The following ERC2 variants were observed in gnomAD, a reference collection of about 807,000 sequenced individuals.
The protein encoded by ERC2 is ERC protein 2.
Under a neutral mutation model 114.8 loss-of-function variants are expected in ERC2, and 42 were observed. That is an observed-to-expected ratio of 0.37 (90% CI 0.29 to 0.47). The LOEUF (loss-of-function observed/expected upper bound fraction) is 0.47, where lower values mean the gene tolerates loss of function less well. Ranked by LOEUF, ERC2 falls within the 20% of genes least tolerant of loss-of-function variation. The pLI is 0.99. For synonymous variants in ERC2, 454 were observed against 425.5 expected, an observed-to-expected ratio of 1.07 and a Z score of -0.82; for missense variants, 939 against 1,150.7, an observed-to-expected ratio of 0.82 and a Z score of 2.66.
intron 14 of ERC2, among the ~76,000 whole-genome samples, chr3:55,790,942 G>A (rs2069957298): frequency 6.6e-6 from 1 of 152,218 alleles, no homozygotes; most frequent in Non-Finnish European, 1.5e-5. Flanking sequence ...TCAAAAGGTG[G>A]AATCCTCCAT....
chr3:55,836,182 G>C (rs998047744), intron 14 of ERC2, among the ~76,000 whole-genome samples: 1 of 152,046 alleles, frequency 6.6e-6, no homozygotes, highest in African/African-American at 2.4e-5. Context: ...TACTGCCCAA[G>C]GTAATTTATA....
At chr3:56,398,185 T>C (rs1048293930) in intron 2 of ERC2, among the ~76,000 whole-genome samples, 3 of 152,248 alleles carry the variant, frequency 2.0e-5, no homozygotes, top group African/African-American at 7.2e-5. Flanking sequence ...CTGTGAAATT[T>C]AATCAAAGCA....
intron 3 of ERC2, among the ~76,000 whole-genome samples, chr3:56,232,955 G>A (rs1003756790): frequency 6.6e-6 from 1 of 152,034 alleles, no homozygotes; most frequent in African/African-American, 2.4e-5. Context: ...TCACTTCCTC[G>A]AAAAAACCCT....
intron 17 of ERC2, among the ~76,000 whole-genome samples, chr3:55,512,576 T>C (rs2052163407): frequency 6.6e-6 from 1 of 152,230 alleles, no homozygotes; most frequent in Non-Finnish European, 1.5e-5. Flanking sequence ...AGAGAAACCC[T>C]AAGTAGTATT....
chr3:56,316,417 C>T (rs1158555486), intron 2 of ERC2, among the ~76,000 whole-genome samples: 1 of 152,162 alleles, frequency 6.6e-6, no homozygotes, highest in Non-Finnish European at 1.5e-5. Flanking sequence ...ACAGAAAATG[C>T]TGTTATTATG....
At chr3:55,961,292 A>G (rs1208290414) in intron 12 of ERC2, among the ~76,000 whole-genome samples, 1 of 152,142 alleles carries the variant, frequency 6.6e-6, no homozygotes, top group Non-Finnish European at 1.5e-5. Context: ...TTCCTCTTCT[A>G]GAAACTGTTT....
chr3:55,533,896 C>A (rs1422357501), intron 17 of ERC2, among the ~76,000 whole-genome samples: 2 of 152,136 alleles, frequency 1.3e-5, no homozygotes, highest in Non-Finnish European at 2.9e-5. Flanking sequence ...GACAGTGAAG[C>A]CCAGCGAGGG....
chr3:56,273,258 C>CTTTT (rs1206517864), intron 3 of ERC2, among the ~76,000 whole-genome samples: 1 of 94,748 alleles, frequency 1.1e-5, no homozygotes. Context: ...CTTTTTTTTT[C>CTTTT]TTTCTTTTTT....
intron 14 of ERC2, among the ~76,000 whole-genome samples, chr3:55,863,585 A>T (rs951363717): frequency 7.9e-5 from 12 of 152,126 alleles, no homozygotes; most frequent in Non-Finnish European, 1.8e-4. Context: ...GCCACTTTGA[A>T]TGGTTTTGCT....
intron 17 of ERC2, among the ~76,000 whole-genome samples, chr3:55,546,166 A>G (rs2054735415): frequency 6.6e-6 from 1 of 152,174 alleles, no homozygotes; most frequent in Non-Finnish European, 1.5e-5. Context: ...TAACGGCGAC[A>G]GCAGCTACCC....
intron 17 of ERC2, among the ~76,000 whole-genome samples, chr3:55,663,455 G>A (rs2061225773): frequency 6.6e-6 from 1 of 152,192 alleles, no homozygotes; most frequent in African/African-American, 2.4e-5. Flanking sequence ...CACTCTGGTT[G>A]CCCAGTATCC....
intron 2 of ERC2, among the ~76,000 whole-genome samples, chr3:56,345,620 G>A (rs1010889627): frequency 6.6e-6 from 1 of 152,220 alleles, no homozygotes; most frequent in African/African-American, 2.4e-5. Flanking sequence ...GCTGGGGAGT[G>A]AAAGACAACA....
At chr3:55,681,125 G>T (rs2062035806) in intron 17 of ERC2, among the ~76,000 whole-genome samples, 1 of 152,130 alleles carries the variant, frequency 6.6e-6, no homozygotes, top group Non-Finnish European at 1.5e-5. Flanking sequence ...ACTTTCCCCG[G>T]TCCACCGTGT....
At chr3:55,873,661 T>C (rs1341596293) in intron 14 of ERC2, among the ~76,000 whole-genome samples, 1 of 152,222 alleles carries the variant, frequency 6.6e-6, no homozygotes, top group African/African-American at 2.4e-5. Flanking sequence ...TTGATCTCTA[T>C]GCTCCAGTCA....
intron 8 of ERC2, among the ~76,000 whole-genome samples, chr3:56,017,665 C>T (rs2073399378): frequency 6.6e-6 from 1 of 152,102 alleles, no homozygotes; most frequent in Non-Finnish European, 1.5e-5. Context: ...CCTACCTGGC[C>T]ATTCTACTCC....
intron 2 of ERC2, among the ~76,000 whole-genome samples, chr3:56,366,823 G>A (rs1389002370): frequency 6.6e-6 from 1 of 152,142 alleles, no homozygotes; most frequent in African/African-American, 2.4e-5. Flanking sequence ...CATCCACTTG[G>A]ACAAACGTTT....
chr3:56,300,215 G>A (rs1169132355), intron 2 of ERC2, among the ~76,000 whole-genome samples: 1 of 146,734 alleles, frequency 6.8e-6, no homozygotes, highest in Non-Finnish European at 1.5e-5. Flanking sequence ...AGAATGGAGG[G>A]AAAATTGGTC....
At chr3:56,322,093 A>G (rs2057152327) in intron 2 of ERC2, among the ~76,000 whole-genome samples, 1 of 152,234 alleles carries the variant, frequency 6.6e-6, no homozygotes, top group African/African-American at 2.4e-5. Flanking sequence ...ACCTAACCAC[A>G]GAGCGTGGCA....
intron 15 of ERC2, among the ~76,000 whole-genome samples, chr3:55,722,291 C>T (rs1169286381): frequency 6.6e-6 from 1 of 152,058 alleles, no homozygotes; most frequent in Non-Finnish European, 1.5e-5. Context: ...CTGGCTCCCC[C>T]ACCTTGTCAA....
Sources: allele counts gnomAD v4.1 joint callset (sites outside exome capture counted in the v4.1 genomes callset), GRCh38; gene constraint gnomAD v4.1.1; transcripts MANE v1.5; gene names NCBI Gene and HGNC (gene_info 2026-07-23, HGNC 2026-07-21).